Variants in TAF4B observed in about 807,000 individuals in gnomAD.
TAF4B encodes transcription initiation factor TFIID subunit 4B.
A neutral mutation model predicts 86.4 loss-of-function variants in TAF4B; 38 were observed. The ratio of observed to expected loss-of-function variants is 0.44; its 90% CI spans 0.34 to 0.58. TAF4B has a LOEUF of 0.58. Among genes scored for constraint, TAF4B ranks in the 20% least tolerant of loss-of-function variants. The probability of loss-of-function intolerance (pLI) is 0.02; values close to 1 mark genes in which losing one functional copy is unlikely to be tolerated. For synonymous variants in TAF4B, 388 were observed against 391.2 expected, an observed-to-expected ratio of 0.99 and a Z score of 0.10; for missense variants, 988 against 1,027.6, an observed-to-expected ratio of 0.96 and a Z score of 0.53.
At chr18:26,262,171 TC>T (rs2056177686) in intron 1 of TAF4B, among the ~76,000 whole-genome samples, 1 of 148,398 alleles carries the variant, frequency 6.7e-6, no homozygotes, top group Non-Finnish European at 1.5e-5. Flanking sequence ...TGCACCTGTC[TC>T]AAGTTTATCC....
chr18:26,307,499 TAATATC>T (rs2056806920), intron 9 of TAF4B, among the ~76,000 whole-genome samples: 2 of 152,192 alleles, frequency 1.3e-5, no homozygotes, highest in Admixed American at 6.5e-5. Flanking sequence ...AATAAGGAAT[TAATATC>T]AATATTTTTA....
At chr18:26,252,121 A>G (rs1409254487) in intron 1 of TAF4B, among the ~76,000 whole-genome samples, 1 of 152,150 alleles carries the variant, frequency 6.6e-6, no homozygotes. Flanking sequence ...ATTTATTTAG[A>G]TCTTCTGTAA....
intron 1 of TAF4B, among the ~76,000 whole-genome samples, chr18:26,229,494 CTTTTTT>C (rs34261854): frequency 1.5e-4 from 19 of 129,376 alleles, no homozygotes; most frequent in Admixed American, 9.7e-4. Context: ...TTCTTTCTTT[CTTTTTT>C]TTTTTTTTTT....
intron 14 of TAF4B, among the ~76,000 whole-genome samples, chr18:26,359,228 A>AT (rs1207286774): frequency 2.6e-5 from 4 of 152,198 alleles, no homozygotes. Flanking sequence ...ACATTACTGT[A>AT]TTTAAGTAAA....
chr18:26,265,614 G>T (rs926823085), intron 2 of TAF4B, among the ~76,000 whole-genome samples: 1 of 152,034 alleles, frequency 6.6e-6, no homozygotes, highest in African/African-American at 2.4e-5. Flanking sequence ...GTACAATTGC[G>T]TGAACATGGC....
intron 9 of TAF4B, among the ~76,000 whole-genome samples, chr18:26,308,804 G>A (rs555989175): frequency 3.9e-4 from 58 of 149,838 alleles, no homozygotes; most frequent in Non-Finnish European, 7.4e-4. Context: ...CCTGGGAGGC[G>A]GAGGATGCAG....
At chr18:26,385,063 C>CAGTG (rs1491081791) in intron 14 of TAF4B, among the ~76,000 whole-genome samples, 1 of 152,082 alleles carries the variant, frequency 6.6e-6, no homozygotes, top group Non-Finnish European at 1.5e-5. Flanking sequence ...CGTATGGAGT[C>CAGTG]ACTGCAAACC....
chr18:26,312,136 G>T (rs1349817804), intron 9 of TAF4B, among the ~76,000 whole-genome samples: 1 of 152,160 alleles, frequency 6.6e-6, no homozygotes, highest in Non-Finnish European at 1.5e-5. Context: ...TTCATCGAAA[G>T]ACACCGCATC....
chr18:26,327,226 A>G, intron 12 of TAF4B, 86 bp downstream of exon 12: 2 of 1,494,762 alleles, frequency 1.3e-6, no homozygotes, highest in Non-Finnish European at 1.8e-6. Context: ...TCTTGGTTTT[A>G]TTAGGCCTTT....
At chr18:26,285,225 T>TTTGTTTTTGTTTTTTTTG (rs1450173583) in intron 6 of TAF4B, among the ~76,000 whole-genome samples, 1 of 125,146 alleles carries the variant, frequency 8.0e-6, no homozygotes, top group African/African-American at 2.7e-5. Flanking sequence ...TTTTTTTGTT[T>TTTGTTTTTGTTTTTTTTG]TTTTTTTTTT....
chr18:26,365,960 T>G (rs1215002604), intron 14 of TAF4B, among the ~76,000 whole-genome samples: 2 of 152,120 alleles, frequency 1.3e-5, no homozygotes, highest in Non-Finnish European at 2.9e-5. Flanking sequence ...TGACTAATTT[T>G]TTGTATTTTT....
At chr18:26,371,930 A>G (rs142881107) in intron 14 of TAF4B, among the ~76,000 whole-genome samples, 1 of 152,186 alleles carries the variant, frequency 6.6e-6, no homozygotes. Context: ...GTGATTGTGC[A>G]CTGGGGAAGG....
chr18:26,357,064 G>A (rs1403135208), intron 13 of TAF4B, among the ~76,000 whole-genome samples: 1 of 152,138 alleles, frequency 6.6e-6, no homozygotes. Flanking sequence ...AAAGTGTGAT[G>A]TACTAAAGAG....
intron 13 of TAF4B, 88 bp downstream of exon 13, chr18:26,335,319 C>T: frequency 8.7e-7 from 1 of 1,145,866 alleles, no homozygotes. Flanking sequence ...GTTTATTTTG[C>T]TGTTGCATAC....
chr18:26,384,439 A>C (rs1174380179), intron 14 of TAF4B, among the ~76,000 whole-genome samples: 1 of 152,224 alleles, frequency 6.6e-6, no homozygotes, highest in East Asian at 1.9e-4. Context: ...AGAAAAACTT[A>C]CTGTCCACCC....
chr18:26,336,630 T>C (rs2057093915), intron 13 of TAF4B, among the ~76,000 whole-genome samples: 1 of 152,222 alleles, frequency 6.6e-6, no homozygotes, highest in Non-Finnish European at 1.5e-5. Flanking sequence ...AAAATGTATC[T>C]AAAATTATTA....
chr18:26,259,402 T>A (rs1191553135), intron 1 of TAF4B, among the ~76,000 whole-genome samples: 1 of 152,154 alleles, frequency 6.6e-6, no homozygotes, highest in Non-Finnish European at 1.5e-5. Context: ...ATCATTTACA[T>A]TAGGTATATC....
At chr18:26,320,973 G>C in intron 10 of TAF4B, 97 bp from the exon 11 acceptor site, 2 of 1,432,078 alleles carry the variant, frequency 1.4e-6, no homozygotes, top group Non-Finnish European at 1.9e-6. Context: ...ATTCATAATG[G>C]GTATGACTTC....
At chr18:26,368,643 A>T (rs937447206) in intron 14 of TAF4B, among the ~76,000 whole-genome samples, 3 of 152,090 alleles carry the variant, frequency 2.0e-5, no homozygotes, top group South Asian at 2.1e-4. Flanking sequence ...TCTTTTTATA[A>T]ATGTATAGAT....
Sources: gnomAD v4.1 joint callset for allele counts (sites outside exome capture counted in the v4.1 genomes callset) on GRCh38, gnomAD v4.1.1 for gene constraint, MANE v1.5 for transcripts, NCBI Gene and HGNC (gene_info 2026-07-23, HGNC 2026-07-21) for gene names.